The following ELP1 variants were observed in gnomAD, a reference collection of about 807,000 sequenced individuals.
The protein encoded by ELP1 is elongator acetyltransferase complex subunit 1.
A neutral mutation model predicts 183.2 loss-of-function variants in ELP1; 131 were observed. That is an observed-to-expected ratio of 0.72 (90% confidence interval 0.62 to 0.83). The LOEUF (loss-of-function observed/expected upper bound fraction) is 0.83. Ranked by LOEUF, ELP1 falls within the 40% of genes least tolerant of loss-of-function variation. The pLI, the probability that ELP1 is intolerant of heterozygous loss-of-function variation, is 0.00. For synonymous variants in ELP1, 555 were observed against 569.0 expected (o/e 0.98, Z 0.35); for missense variants, 1,550 against 1,594.9 (o/e 0.97, Z 0.48).
intron 5 of ELP1, among the ~76,000 whole-genome samples, chr9:108,923,300 A>G (rs1829719875): frequency 6.6e-6 from 1 of 152,222 alleles, no homozygotes; most frequent in Non-Finnish European, 1.5e-5. Context: ...TGAACCCAGG[A>G]GTTCAAGGCT....
At chr9:108,923,486 GTTTC>G (rs930471289) in intron 5 of ELP1, among the ~76,000 whole-genome samples, 4 of 152,156 alleles carry the variant, frequency 2.6e-5, no homozygotes, top group Non-Finnish European at 5.9e-5. Context: ...CATATTCCAA[GTTTC>G]TTTGATGACA....
chr9:108,926,656 T>C (rs866205789), intron 4 of ELP1, 53 bp from the exon 5 acceptor site: 1 of 1,362,902 alleles, frequency 7.3e-7, no homozygotes, highest in South Asian at 1.2e-5. Flanking sequence ...AAATTTGCCA[T>C]TCCTAAGTAC....
intron 5 of ELP1, among the ~76,000 whole-genome samples, chr9:108,924,725 A>C (rs1236929201): frequency 6.6e-6 from 1 of 152,108 alleles, no homozygotes; most frequent in Non-Finnish European, 1.5e-5. Flanking sequence ...CTTCAGCCTT[A>C]TATTTGCATA....
chr9:108,902,728 G>T, intron 16 of ELP1, 111 bp downstream of exon 16: 1 of 772,646 alleles, frequency 1.3e-6, no homozygotes, highest in Non-Finnish European at 2.4e-6. Flanking sequence ...CTATTGTCTA[G>T]GCATTTAGTG....
At chr9:108,921,354 A>G (rs1829639685) in intron 6 of ELP1, among the ~76,000 whole-genome samples, 2 of 152,058 alleles carry the variant, frequency 1.3e-5, no homozygotes, top group Admixed American at 1.3e-4. Context: ...ATGGGATCAT[A>G]TTATATGTGA....
At chr9:108,870,664 T>C (rs551540039) in intron 36 of ELP1, among the ~76,000 whole-genome samples, 1 of 152,084 alleles carries the variant, frequency 6.6e-6, no homozygotes, top group African/African-American at 2.4e-5. Context: ...TAATTTCTGA[T>C]GTTTTTGCTT....
At chr9:108,889,848 C>G (rs2131967177) in intron 28 of ELP1, among the ~76,000 whole-genome samples, 1 of 152,312 alleles carries the variant, frequency 6.6e-6, no homozygotes, top group Middle Eastern at 3.4e-3. Context: ...AGATTCCGGT[C>G]TCTCATTGCA....
Position 108,901,413 on chromosome 9 carries a change from T to A in ELP1, c.2014+12A>T, listed in dbSNP as rs1195789021. On this transcript the variant is annotated intron_variant, in intron 18 of 36. Transcript: ENST00000374647. ...GAAGGGACCATTTCTGTTTTATACA[T>A]TGAAAACTTACTTTTAAATGAAGCA... 1 of 1,571,690 alleles carries A rather than the reference T, an allele frequency of 6.4e-7. No homozygotes were observed. Among genetic ancestry groups the A allele is most frequent in the Non-Finnish European group, 8.8e-7 (1 of 1,141,518 alleles).
At chr9:108,893,875 A>C in intron 26 of ELP1, 68 bp downstream of exon 26, 7 of 1,538,194 alleles carry the variant, frequency 4.6e-6, no homozygotes, top group Non-Finnish European at 6.3e-6. Flanking sequence ...CTAACAGTTT[A>C]ATTTATACCT....
Position 108,882,186 on chromosome 9 carries a change from T to C in ELP1, c.3224A>G (p.Asp1075Gly), listed in dbSNP as rs1827955472. ...AAMVLEECAQ[D>G]YEEAVLLLLE... ...CAGCAAGAGCACAGCTTCTTCATAA[T>C]CCTGACAAGGGAACAGGAAGAAGAC... Residue 1075 changes from aspartate (D) to glycine (G), a missense_variant and splice_region_variant, in exon 30 of 37, where the codon GAT becomes GGT. By Grantham distance (94) the Asp-to-Gly change is moderately conservative (BLOSUM62 -1). Transcript: ENST00000374647. The C allele has an allele frequency of 6.2e-7, 1 of 1,612,836 alleles. No homozygotes were observed. The highest frequency in any genetic ancestry group is 2.2e-5 in the East Asian group (1 of 44,854).
At chr9:108,891,995 AG>A (rs1828356712) in intron 27 of ELP1, among the ~76,000 whole-genome samples, 2 of 152,294 alleles carry the variant, frequency 1.3e-5, no homozygotes, top group Non-Finnish European at 2.9e-5. Context: ...ACAGAAAACA[AG>A]GGCAAAGAGG....
At chr9:108,892,941 G>T (rs767654759) in intron 27 of ELP1, 45 bp downstream of exon 27, 4 of 1,418,912 alleles carry the variant, frequency 2.8e-6, no homozygotes, top group African/African-American at 1.4e-5. Context: ...TCCTACTAAA[G>T]CAAAAAGCAA....
intron 36 of ELP1, among the ~76,000 whole-genome samples, chr9:108,869,394 A>G (rs1827352702): frequency 6.6e-6 from 1 of 152,082 alleles, no homozygotes; most frequent in African/African-American, 2.4e-5. Context: ...CTGCATTTCA[A>G]CCTCAGGCAT....
intron 25 of ELP1, among the ~76,000 whole-genome samples, 183 bp downstream of exon 25, chr9:108,896,313 A>C (rs1828543547): frequency 6.6e-6 from 1 of 152,176 alleles, no homozygotes; most frequent in Non-Finnish European, 1.5e-5. Context: ...TCAACCTCAC[A>C]ATCAAAACAC....
intron 18 of ELP1, among the ~76,000 whole-genome samples, chr9:108,900,901 C>CAGAG (rs1828773671): frequency 2.4e-5 from 1 of 41,924 alleles, no homozygotes; most frequent in Non-Finnish European, 4.6e-5. Context: ...GCCACACACA[C>CAGAG]ATACACGCCA....
At chr9:108,925,626 T>A (rs769171760) in intron 5 of ELP1, among the ~76,000 whole-genome samples, 2 of 152,158 alleles carry the variant, frequency 1.3e-5, no homozygotes, top group African/African-American at 2.4e-5. Context: ...AAATAAATCA[T>A]CCCTCTCTAG....
intron 18 of ELP1, among the ~76,000 whole-genome samples, chr9:108,900,751 G>C (rs1163812072): frequency 3.9e-5 from 6 of 151,920 alleles, no homozygotes; most frequent in African/African-American, 1.2e-4. Flanking sequence ...TTTAGAATAA[G>C]GAACACACAC....
In ELP1 at chr9:108,897,325, T is replaced by C. The variant is rs955716090; in HGVS notation, c.2364-40A>G. ...GTATGGAATGGTCATCAACAGAACA[T>C]GTAGCCCAGCGATCAAATTACTAAC... On this transcript the variant is annotated intron_variant, in intron 22 of 36. Coordinates refer to ENST00000374647, the MANE Select transcript of ELP1 (RefSeq NM_003640.5). The C allele has an allele frequency of 4.3e-6, 7 of 1,611,702 alleles. No individual in the cohort carries two copies. In the African/African-American group the frequency reaches 5.3e-5, roughly 12 times the overall value.
Position 108,901,634 on chromosome 9 carries a change from G to A in ELP1, c.1902C>T (p.Asp634=). The change falls in exon 17 of 37, where the codon GAC becomes GAT. Residue 634 remains aspartate, a synonymous_variant. Coordinates refer to ENST00000374647, the MANE Select transcript of ELP1 (RefSeq NM_003640.5). ...CCAAACCAAGCCTTGATACCTCAAT[G>A]TCATTGATGAAAAAGCGACACCTGT... ...LTDRCRFFIN[D]IEVASNITSF... is the part of the protein sequence containing the mutation. 1 of 1,614,104 alleles carries A rather than the reference G, an allele frequency of 6.2e-7. No homozygotes were observed. The highest frequency in any genetic ancestry group is 1.3e-5 in the African/African-American group (1 of 75,058).
Sources: gnomAD v4.1 joint callset for allele counts (sites outside exome capture counted in the v4.1 genomes callset) on GRCh38, gnomAD v4.1.1 for gene constraint, MANE v1.5 for transcripts, NCBI Gene and HGNC (gene_info 2026-07-23, HGNC 2026-07-21) for gene names.